The following DBET variants were observed in gnomAD, a reference collection of about 807,000 sequenced individuals.
DBET encodes D4Z4 binding element transcript (non-protein coding).
rs1553971390 is a variant in DBET at position 190,064,906 on chromosome 4, C to A, written n.405C>A. 1.4e-5 allele frequency: 3 copies of A among 215,066 alleles called. No homozygotes were observed. In the South Asian group the frequency reaches 2.7e-4, roughly 20 times the overall value. The allele number at this position is 215,066 out of a possible 1,614,324, so 13.3% of individuals were successfully genotyped here. A position where few individuals can be genotyped will look rare whatever the true frequency, so the allele number is the denominator to read the frequency against. ...TGAATATACTGTGGTCATCTCTGCT[C>A]CAGTGCAAACTGTTTTCAGAAAGCC... On this transcript the variant is annotated non_coding_transcript_exon_variant, in exon 1 of 1. Coordinates refer to ENST00000630918, the Ensembl canonical transcript of DBET.
exon 1 of DBET, chr4:190,064,765 A>C (rs1740568900): frequency 7.5e-6 from 1 of 132,868 alleles, no homozygotes; most frequent in Non-Finnish European, 1.6e-5. Flanking sequence ...GTGAAAAAAT[A>C]AACTGCAGTG....
In DBET at chr4:190,064,755, G is replaced by A. The variant is rs1368489006; in HGVS notation, n.254G>A. 1.3e-4 allele frequency: 17 copies of A among 132,214 alleles called. 5 individuals are homozygous for A. The highest frequency in any genetic ancestry group is 5.5e-4 in the African/African-American group (17 of 30,990). 8.2% of individuals were successfully genotyped at this position (132,214 alleles called of 1,614,324 possible). A position where few individuals can be genotyped will look rare whatever the true frequency, so the allele number is the denominator to read the frequency against. Reference sequence around the variant, plus strand: ...CTCATTAGCCCAGTTACTGTTCTGGGTGAAAAAATAAACTGCAGTGGACAG... The same window carrying A: ...CTCATTAGCCCAGTTACTGTTCTGGATGAAAAAATAAACTGCAGTGGACAG... On this transcript the variant is annotated non_coding_transcript_exon_variant, in exon 1 of 1. Coordinates refer to ENST00000630918, the Ensembl canonical transcript of DBET.
At chr4:190,065,201 G>C (rs1740589477) in exon 1 of DBET, 1 of 582,680 alleles carries the variant, frequency 1.7e-6, no homozygotes, top group South Asian at 1.7e-5. Flanking sequence ...AGAAGTGTGT[G>C]AGGGGAGATG....
exon 1 of DBET, chr4:190,065,491 G>T (rs1740604490): frequency 3.0e-6 from 1 of 330,916 alleles, no homozygotes; most frequent in Non-Finnish European, 5.0e-6. Flanking sequence ...CTGCGCGGTG[G>T]CACAGCCTGG....
chr4:190,064,508 T>G lies in DBET; in HGVS notation n.7T>G, dbSNP rs1232811815. ...TTGTCTATTTTCTTCCCCAGTTGGC[T>G]GTCTGTGGTATTGCAGTTTCACTAG... is the stretch of plus-strand genomic sequence containing the variant. On this transcript the variant is annotated non_coding_transcript_exon_variant, in exon 1 of 1. Transcript: ENST00000630918. 5 of 136,690 alleles carry G rather than the reference T, an allele frequency of 3.7e-5. 2 individuals are homozygous for G. The highest frequency in any genetic ancestry group is 1.6e-4 in the African/African-American group (5 of 31,872). 8.5% of individuals were successfully genotyped at this position (136,690 alleles called of 1,614,324 possible).
Position 190,064,571 on chromosome 4 carries a change from C to A in DBET, n.70C>A, listed in dbSNP as rs1342580467. 2 of 139,440 alleles carry A rather than the reference C, an allele frequency of 1.4e-5. 1 individual carries two copies. Among genetic ancestry groups the A allele is most frequent in the African/African-American group, 6.1e-5 (2 of 32,676 alleles). 8.6% of individuals were successfully genotyped at this position (139,440 alleles called of 1,614,324 possible). Reference sequence around the variant, plus strand: ...CACTCATCTTTCTTCTCAGCAGACACAAACTGTCATCTATATGACTCCATC... The same window carrying A: ...CACTCATCTTTCTTCTCAGCAGACAAAAACTGTCATCTATATGACTCCATC... On this transcript the variant is annotated non_coding_transcript_exon_variant, in exon 1 of 1. Coordinates refer to ENST00000630918, the Ensembl canonical transcript of DBET.
chr4:190,065,196 T>C lies in DBET; in HGVS notation n.695T>C, dbSNP rs770959128. On this transcript the variant is annotated non_coding_transcript_exon_variant, in exon 1 of 1. Transcript: ENST00000630918. Reference sequence around the variant, plus strand: ...AATCTATTGTGCCTCAAGTCAGAAGTGTGTGAGGGGAGATGGGGAGACATT... The same window carrying C: ...AATCTATTGTGCCTCAAGTCAGAAGCGTGTGAGGGGAGATGGGGAGACATT... 2.2e-5 allele frequency: 13 copies of C among 582,074 alleles called. 1 individual carries two copies. The highest frequency in any genetic ancestry group is 1.7e-4 in the South Asian group (10 of 59,934). 36.1% of individuals were successfully genotyped at this position (582,074 alleles called of 1,614,324 possible). A position where few individuals can be genotyped will look rare whatever the true frequency, so the allele number is the denominator to read the frequency against.
rs1239517817 is a variant in DBET at position 190,065,200 on chromosome 4, T to A, written n.699T>A. On this transcript the variant is annotated non_coding_transcript_exon_variant, in exon 1 of 1. Coordinates refer to ENST00000630918, the Ensembl canonical transcript of DBET. ...TATTGTGCCTCAAGTCAGAAGTGTG[T>A]GAGGGGAGATGGGGAGACATTGGGA... 5.2e-6 allele frequency: 3 copies of A among 581,194 alleles called. 1 individual carries two copies. The highest frequency in any genetic ancestry group is 1.7e-5 in the South Asian group (1 of 59,818). The allele number at this position is 581,194 out of a possible 1,614,324, so 36.0% of individuals were successfully genotyped here. A position where few individuals can be genotyped will look rare whatever the true frequency, so the allele number is the denominator to read the frequency against.
exon 1 of DBET, chr4:190,065,097 G>C (rs1464548269): frequency 1.7e-5 from 8 of 464,850 alleles, no homozygotes; most frequent in African/African-American, 1.1e-4. Context: ...GATCTGACTA[G>C]TTTGGCATTG....
In DBET at chr4:190,065,152, T is replaced by A. The variant is rs1331173286; in HGVS notation, n.651T>A. 11 of 493,294 alleles carry A rather than the reference T, an allele frequency of 2.2e-5. 3 individuals are homozygous for A. Among genetic ancestry groups the A allele is most frequent in the Non-Finnish European group, 4.0e-5 (11 of 276,542 alleles). 30.6% of individuals were successfully genotyped at this position (493,294 alleles called of 1,614,324 possible). On this transcript the variant is annotated non_coding_transcript_exon_variant, in exon 1 of 1. Transcript: ENST00000630918. ...ATCTGTGCACACTTCTGGAGACCCTTGTCATGCCATTATTTATAAATCTAT... is the reference window on the plus strand; with the variant it reads ...ATCTGTGCACACTTCTGGAGACCCTAGTCATGCCATTATTTATAAATCTAT...
exon 1 of DBET, chr4:190,064,979 C>T (rs2856396): frequency 0.47 from 161,137 of 345,974 alleles, 47,681 homozygotes; most frequent in Middle Eastern, 0.56. Context: ...CTGTCTTATG[C>T]TTATTCTACT....
At position 190,065,938 on chromosome 4, in the gene DBET, C is replaced by A. The variant is rs1553971786; in HGVS notation, n.1437C>A. The stretch of plus-strand genomic sequence containing the variant: ...TTAGGACGCGGGGTTGGGACGGGGT[C>A]GGGTGGTTCGGGGCAGGGCGGTGGC... On this transcript the variant is annotated non_coding_transcript_exon_variant, in exon 1 of 1. Transcript: ENST00000630918. 4.7e-4 allele frequency: 8 copies of A among 17,158 alleles called. No individual in the cohort carries two copies. The African/African-American group carries it at 0.019, about 41-fold the overall frequency. The allele number at this position is 17,158 out of a possible 1,614,324, so 1.1% of individuals were successfully genotyped here. A position where few individuals can be genotyped will look rare whatever the true frequency, so the allele number is the denominator to read the frequency against.
At chr4:190,065,029 T>G (rs1232787547) in exon 1 of DBET, 3 of 428,796 alleles carry the variant, frequency 7.0e-6, no homozygotes, top group East Asian at 3.5e-5. Flanking sequence ...TCCCAGAATC[T>G]TAAAGTGCAT....
chr4:190,064,989 T>C, exon 1 of DBET: 1 of 376,258 alleles, frequency 2.7e-6, no homozygotes, highest in Non-Finnish European at 4.8e-6. Context: ...CTTATTCTAC[T>C]CTGCAATCCC....
chr4:190,065,052 G>A (rs1179536768), exon 1 of DBET: 4 of 436,576 alleles, frequency 9.2e-6, no homozygotes, highest in African/African-American at 5.6e-5. Flanking sequence ...GAACTCACAG[G>A]CAAAATCCTC....
chr4:190,065,063 C>A lies in DBET; in HGVS notation n.562C>A, dbSNP rs555634033. ...ATTCGAACTCACAGGCAAAATCCTC[C>A]CAGAATCTTGTGAGAACATAAATGA... On this transcript the variant is annotated non_coding_transcript_exon_variant, in exon 1 of 1. Coordinates refer to ENST00000630918, the Ensembl canonical transcript of DBET. 6.8e-6 allele frequency: 3 copies of A among 443,762 alleles called. 1 individual carries two copies. Among genetic ancestry groups the A allele is most frequent in the African/African-American group, 5.5e-5 (2 of 36,184 alleles). The allele number at this position is 443,762 out of a possible 1,614,324, so 27.5% of individuals were successfully genotyped here.
In DBET at chr4:190,065,153, G is replaced by C. The variant is rs556565318; in HGVS notation, n.652G>C. The stretch of plus-strand genomic sequence containing the variant: ...TCTGTGCACACTTCTGGAGACCCTT[G>C]TCATGCCATTATTTATAAATCTATT... On this transcript the variant is annotated non_coding_transcript_exon_variant, in exon 1 of 1. Coordinates refer to ENST00000630918, the Ensembl canonical transcript of DBET. The C allele has an allele frequency of 6.1e-6, 3 of 493,870 alleles. 1 individual carries two copies. Among genetic ancestry groups the C allele is most frequent in the African/African-American group, 5.7e-5 (2 of 34,934 alleles). The allele number at this position is 493,870 out of a possible 1,614,324, so 30.6% of individuals were successfully genotyped here.
exon 1 of DBET, chr4:190,065,890 T>C (rs1178798285): frequency 3.5e-4 from 38 of 107,274 alleles, no homozygotes; most frequent in African/African-American, 6.7e-4. Context: ...CGAGGAAGAA[T>C]ACCGGGCTCT....
chr4:190,065,483 G>C (rs2126454320), exon 1 of DBET: 1 of 336,768 alleles, frequency 3.0e-6, no homozygotes, highest in East Asian at 4.1e-5. Flanking sequence ...CCGGGCCCCT[G>C]CGCGGTGGCA....
Sources: allele counts gnomAD v4.1 joint callset, GRCh38; gene constraint gnomAD v4.1.1; transcripts MANE v1.5; gene names NCBI Gene and HGNC (gene_info 2026-07-23, HGNC 2026-07-21).